The following NAV2 variants were observed in gnomAD, a reference collection of about 807,000 sequenced individuals.
NAV2 encodes the protein neuron navigator 2.
In NAV2, 54 loss-of-function variants were observed where a neutral mutation model predicts 223.2. The observed-to-expected ratio is 0.24, with a 90% CI of 0.19 to 0.30. The LOEUF (loss-of-function observed/expected upper bound fraction) is 0.30. NAV2 is among the 10% of genes least tolerant of loss of function. The probability of loss-of-function intolerance (pLI) is 1.00; values close to 1 mark genes in which losing one functional copy is unlikely to be tolerated. For synonymous variants in NAV2, 1,279 were observed against 1,239.3 expected (o/e 1.03, Z -0.67); for missense variants, 2,806 against 3,147.5 (o/e 0.89, Z 2.60).
intron 1 of NAV2, among the ~76,000 whole-genome samples, chr11:19,529,399 A>G (rs1312201415): frequency 6.6e-6 from 1 of 152,158 alleles, no homozygotes; most frequent in Non-Finnish European, 1.5e-5. Context: ...GAGAGTGTGT[A>G]CTTGTGTGAA....
intron 1 of NAV2, among the ~76,000 whole-genome samples, chr11:19,555,446 T>TGG (rs111884300): frequency 7.2e-5 from 11 of 151,796 alleles, no homozygotes; most frequent in African/African-American, 2.2e-4. Flanking sequence ...CTCCCAGACC[T>TGG]GGGGGGGGCT....
At chr11:19,745,559 G>A (rs11025235) in intron 1 of NAV2, among the ~76,000 whole-genome samples, 14,755 of 151,882 alleles carry the variant, frequency 0.097, 812 homozygotes, top group South Asian at 0.15. Context: ...TCTTTCTTGG[G>A]GGTAGCCGGC....
chr11:19,597,221 A>G (rs1432413809), intron 1 of NAV2, among the ~76,000 whole-genome samples: 1 of 152,210 alleles, frequency 6.6e-6, no homozygotes, highest in Non-Finnish European at 1.5e-5. Context: ...AATAATGTAT[A>G]TAAATGCATC....
chr11:19,909,960 AG>A (rs1211450727), intron 6 of NAV2, among the ~76,000 whole-genome samples: 2 of 152,182 alleles, frequency 1.3e-5, no homozygotes, highest in Non-Finnish European at 2.9e-5. Flanking sequence ...GTGAATAGAC[AG>A]GGGGCACTGA....
At chr11:20,005,529 A>G (rs1432831805) in intron 11 of NAV2, among the ~76,000 whole-genome samples, 4 of 151,004 alleles carry the variant, frequency 2.6e-5, no homozygotes, top group African/African-American at 9.7e-5. Context: ...TATAGGCTTG[A>G]GCCACTGCAC....
intron 1 of NAV2, among the ~76,000 whole-genome samples, chr11:19,476,709 G>C (rs540549097): frequency 1.3e-5 from 2 of 152,216 alleles, no homozygotes; most frequent in Non-Finnish European, 2.9e-5. Flanking sequence ...ATGTGCATCT[G>C]TTTCCCAAAT....
intron 1 of NAV2, among the ~76,000 whole-genome samples, chr11:19,628,986 CCA>C (rs1168904407): frequency 6.6e-6 from 1 of 152,174 alleles, no homozygotes; most frequent in African/African-American, 2.4e-5. Flanking sequence ...TCTCCTATGC[CCA>C]CCTTTGTTCC....
chr11:20,019,797 A>C (rs149439887), intron 11 of NAV2, among the ~76,000 whole-genome samples: 224 of 152,078 alleles, frequency 1.5e-3, no homozygotes, highest in Non-Finnish European at 2.6e-3. Context: ...TGCTGCTGAA[A>C]ACTCAAGTAG....
At chr11:19,763,324 C>A (rs1409870952) in intron 1 of NAV2, among the ~76,000 whole-genome samples, 1 of 152,204 alleles carries the variant, frequency 6.6e-6, no homozygotes, top group Non-Finnish European at 1.5e-5. Flanking sequence ...TAAGGCATAG[C>A]ATGCAAGAAT....
At chr11:19,741,497 C>CTTTT (rs71050682) in intron 1 of NAV2, among the ~76,000 whole-genome samples, 8 of 114,920 alleles carry the variant, frequency 7.0e-5, no homozygotes, top group African/African-American at 3.1e-4. Context: ...TTCTTTCTTT[C>CTTTT]TTTTTTTTTT....
At chr11:19,486,016 G>A (rs1319509044) in intron 1 of NAV2, among the ~76,000 whole-genome samples, 1 of 152,142 alleles carries the variant, frequency 6.6e-6, no homozygotes, top group East Asian at 1.9e-4. Flanking sequence ...AGACAAGCTT[G>A]GCACTGCCCT....
chr11:19,632,303 C>T (rs760871563), intron 1 of NAV2, among the ~76,000 whole-genome samples: 6 of 152,188 alleles, frequency 3.9e-5, no homozygotes, highest in Non-Finnish European at 7.3e-5. Context: ...CCTTGGCTTC[C>T]TTATCAGTTA....
chr11:19,719,620 C>G (rs1181986330), intron 1 of NAV2, among the ~76,000 whole-genome samples: 1 of 152,174 alleles, frequency 6.6e-6, no homozygotes, highest in Non-Finnish European at 1.5e-5. Context: ...AGTTTGGAAA[C>G]TATGTCTGCC....
intron 1 of NAV2, among the ~76,000 whole-genome samples, chr11:19,542,042 G>A (rs2044355875): frequency 1.0e-5 from 1 of 99,340 alleles, no homozygotes; most frequent in South Asian, 2.8e-4. Flanking sequence ...GGAAAAGACA[G>A]TTAGAGTCTT....
In NAV2 at chr11:20,011,326, A is replaced by G. The variant is rs891625571; in HGVS notation, c.2769-24633A>G. On this transcript the variant is annotated intron_variant, in intron 11 of 37. Transcript: ENST00000349880. The stretch of plus-strand genomic sequence containing the variant: ...AAATGCAGATAAGCAAACAATAGGG[A>G]TAAAAGAAAAAGGTTGTAATGTTAT... 2.0e-5 allele frequency among the ~76,000 whole-genome samples: 3 copies of G among 152,194 alleles called. No individual in the cohort carries two copies. The South Asian group carries it at 6.2e-4, about 32-fold the overall frequency.
chr11:20,087,606 A>G (rs2060539941), intron 26 of NAV2, among the ~76,000 whole-genome samples: 1 of 152,178 alleles, frequency 6.6e-6, no homozygotes, highest in Non-Finnish European at 1.5e-5. Flanking sequence ...TGTGGACAAG[A>G]CAGTGGAAAA....
At position 19,430,391 on chromosome 11, in the gene NAV2, G is replaced by A. The variant is rs537934071; in HGVS notation, c.75+79364G>A. 1.5e-4 allele frequency among the ~76,000 whole-genome samples: 23 copies of A among 152,178 alleles called. No homozygotes were observed. In the South Asian group the frequency reaches 4.6e-3, roughly 30 times the overall value. On this transcript the variant is annotated intron_variant, in intron 1 of 37. Coordinates refer to the NAV2 transcript ENST00000360655. ...TTCTCCCCTTCTTCAGTCCCCTCTCGCATAGCCTCCTCAGGCTGGGTCCTC... is the reference window on the plus strand; with the variant it reads ...TTCTCCCCTTCTTCAGTCCCCTCTCACATAGCCTCCTCAGGCTGGGTCCTC...
chr11:19,574,920 A>G (rs1405896156), intron 1 of NAV2, among the ~76,000 whole-genome samples: 1 of 152,160 alleles, frequency 6.6e-6, no homozygotes, highest in African/African-American at 2.4e-5. Flanking sequence ...ACCATACTCA[A>G]TTGGGCGAAG....
intron 1 of NAV2, among the ~76,000 whole-genome samples, chr11:19,591,619 A>C (rs2046065374): frequency 6.6e-6 from 1 of 152,156 alleles, no homozygotes; most frequent in African/African-American, 2.4e-5. Context: ...GTCTAGGGGG[A>C]AAGATCAATT....
Sources: gnomAD v4.1 joint callset for allele counts (sites outside exome capture counted in the v4.1 genomes callset) on GRCh38, gnomAD v4.1.1 for gene constraint, MANE v1.5 for transcripts, NCBI Gene and HGNC (gene_info 2026-07-23, HGNC 2026-07-21) for gene names.